The following CT45A10 variants were observed in gnomAD, a reference collection of about 807,000 sequenced individuals.
The protein encoded by CT45A10 is cancer/testis antigen family 45 member A10.
CT45A10 carries 19 observed loss-of-function variants against 8.3 expected under a neutral mutation model. The ratio of observed to expected loss-of-function variants is 2.30; its 90% confidence interval spans 1.61 to 3.38. CT45A10 has a LOEUF of 3.38. CT45A10 is among the 30% of genes most tolerant of loss of function. The probability of loss-of-function intolerance (pLI) is 0.00; values close to 1 mark genes in which losing one functional copy is unlikely to be tolerated. For synonymous variants in CT45A10, 28 were observed against 26.5 expected (o/e 1.06, Z -0.17); for missense variants, 149 against 85.9 (o/e 1.73, Z -2.90).
intron 1 of CT45A10, among the ~76,000 whole-genome samples, chrX:135,890,254 C>G (rs1250929490): frequency 3.6e-5 from 4 of 112,499 alleles, no homozygotes; most frequent in Admixed American, 1.9e-4. Flanking sequence ...AACGGACAGT[C>G]GAGGCAGCCC....
intron 1 of CT45A10, among the ~76,000 whole-genome samples, chrX:135,891,935 A>G (rs1051959720): frequency 1.8e-5 from 2 of 111,352 alleles, no homozygotes; most frequent in Admixed American, 1.9e-4. Context: ...AAACATCTCA[A>G]TAAAATTTGG....
intron 2 of CT45A10, 99 bp from the exon 3 acceptor site, chrX:135,883,355 C>A: frequency 8.5e-7 from 1 of 1,181,484 alleles, no homozygotes; most frequent in Non-Finnish European, 1.1e-6. Context: ...GGAAATCAAA[C>A]TGAGAAGTTG....
chrX:135,891,298 G>C (rs1697374201), intron 1 of CT45A10, among the ~76,000 whole-genome samples: 1 of 109,013 alleles, frequency 9.2e-6, no homozygotes, highest in African/African-American at 3.3e-5. Context: ...ACTCTTAAGA[G>C]AGTGGAAAAG....
rs1438137411 is a variant in CT45A10 at position 135,883,011 on chromosome X, G to C, written c.415C>G (p.Arg139Gly). The C allele has an allele frequency of 1.3e-5, 15 of 1,197,838 alleles. No individual in the cohort carries two copies. The highest frequency in any genetic ancestry group is 5.9e-5 in the East Asian group (2 of 33,614). Residue 139 changes from arginine to glycine, a missense_variant, in exon 3 of 5, where the codon CGA (arginine) becomes GGA (glycine). By Grantham distance (125) the Arg-to-Gly change is moderately radical (BLOSUM62 -2). Coordinates refer to ENST00000682849, the MANE Select transcript of CT45A10 (RefSeq NM_001291529.2). ...QVVKEIRCLGRKYEKIFEMLE... is the reference protein window; with the variant it reads ...QVVKEIRCLGGKYEKIFEMLE... Reference sequence around the variant, plus strand: ...CAGACGTTCTTACACTACTTACTTCGTCCAAGGCATCGGATTTCCTTCACT... The same window carrying C: ...CAGACGTTCTTACACTACTTACTTCCTCCAAGGCATCGGATTTCCTTCACT...
Position 135,882,973 on chromosome X carries a change from C to T in CT45A10, c.418+35G>A, listed in dbSNP as rs1476096362. 75 of 1,185,902 alleles carry T rather than the reference C, an allele frequency of 6.3e-5. 1 individual carries two copies. In the African/African-American group the frequency reaches 1.1e-3, roughly 17 times the overall value. On this transcript the variant is annotated intron_variant, in intron 3 of 4. Transcript: ENST00000682849. ...GAATCATAGAAAGAGTGACTTCCTA[C>T]AGTTTTATAAAACAGACGTTCTTAC...
intron 1 of CT45A10, among the ~76,000 whole-genome samples, chrX:135,889,849 A>C (rs2088483443): frequency 9.0e-6 from 1 of 111,369 alleles, no homozygotes; most frequent in African/African-American, 3.3e-5. Context: ...AAAAAAAGTA[A>C]AATAAATAGC....
intron 3 of CT45A10, among the ~76,000 whole-genome samples, 166 bp from the exon 4 acceptor site, chrX:135,882,795 A>C (rs2088395209): frequency 9.9e-6 from 1 of 101,092 alleles, no homozygotes; most frequent in South Asian, 4.8e-4. Flanking sequence ...CTGCACATAC[A>C]TACGAATGTA....
intron 2 of CT45A10, among the ~76,000 whole-genome samples, chrX:135,883,565 G>A (rs1473986301): frequency 1.9e-4 from 21 of 108,518 alleles, no homozygotes; most frequent in African/African-American, 5.7e-4. Context: ...ACCAAGTAAG[G>A]CAGTACAACT....
chrX:135,890,103 G>A (rs1295186521), intron 1 of CT45A10, among the ~76,000 whole-genome samples: 2 of 112,461 alleles, frequency 1.8e-5, no homozygotes, highest in Non-Finnish European at 3.8e-5. Context: ...AAAAGGCCAA[G>A]AATTTCTTTT....
Position 135,890,133 on chromosome X carries a change from T to C in CT45A10, c.-7+3212A>G, listed in dbSNP as rs140301140. ...TCTTTTTCGGGGAACTCAGCTCTTA[T>C]GATGCAAGTTGGCTGATGCTCCCAG... On this transcript the variant is annotated intron_variant, in intron 1 of 4. Coordinates refer to ENST00000682849, the MANE Select transcript of CT45A10 (RefSeq NM_001291529.2). Among the ~76,000 whole-genome samples, 508 of 112,526 alleles carry C rather than the reference T, an allele frequency of 4.5e-3. 3 individuals are homozygous for C. Among genetic ancestry groups the C allele is most frequent in the African/African-American group, 0.014 (440 of 31,012 alleles).
At chrX:135,890,979 A>T (rs1556589879) in intron 1 of CT45A10, among the ~76,000 whole-genome samples, 1 of 111,893 alleles carries the variant, frequency 8.9e-6, no homozygotes, top group Non-Finnish European at 1.9e-5. Context: ...GGCCAGAAAC[A>T]ATCTGGAAAT....
intron 1 of CT45A10, among the ~76,000 whole-genome samples, chrX:135,891,947 A>G (rs2088504250): frequency 9.0e-6 from 1 of 111,115 alleles, no homozygotes; most frequent in Non-Finnish European, 1.9e-5. Flanking sequence ...AAAATTTGGC[A>G]GAAAAGACCT....
At chrX:135,892,775 T>G (rs1170507833) in intron 1 of CT45A10, among the ~76,000 whole-genome samples, 1 of 111,802 alleles carries the variant, frequency 8.9e-6, no homozygotes, top group Non-Finnish European at 1.9e-5. Context: ...ACATCCTAGC[T>G]GAGAGCGAGC....
Position 135,883,028 on chromosome X carries a change from T to A in CT45A10, c.398A>T (p.Glu133Val). The A allele has an allele frequency of 5.0e-6, 6 of 1,198,713 alleles. No homozygotes were observed. The highest frequency in any genetic ancestry group is 6.8e-6 in the Non-Finnish European group (6 of 885,648). Residue 133 changes from glutamate to valine, a missense_variant, in exon 3 of 5, where the codon GAA becomes GTA. Glu to Val is a moderately radical substitution (Grantham distance 121). Transcript: ENST00000682849. ...CTTACTTCGTCCAAGGCATCGGATTTCCTTCACTACTTGACATTTTATATC... is the reference window on the plus strand; with the variant it reads ...CTTACTTCGTCCAAGGCATCGGATTACCTTCACTACTTGACATTTTATATC... ...NADIKCQVVK[E>V]IRCLGRKYEK... is the part of the protein sequence containing the mutation.
intron 1 of CT45A10, among the ~76,000 whole-genome samples, chrX:135,893,050 C>T (rs2088523914): frequency 9.1e-6 from 1 of 110,059 alleles, no homozygotes; most frequent in Non-Finnish European, 1.9e-5. Context: ...CAACCCTGGG[C>T]TTAGGTCATT....
intron 1 of CT45A10, among the ~76,000 whole-genome samples, chrX:135,890,736 C>T (rs1416188956): frequency 1.8e-5 from 2 of 112,043 alleles, no homozygotes; most frequent in African/African-American, 3.2e-5. Flanking sequence ...ACATACCAAT[C>T]ATTTAAAATT....
Position 135,883,262 on chromosome X carries a change from GA to G in CT45A10, c.170-7del. The G allele has an allele frequency of 8.4e-7, 1 of 1,196,194 alleles. No individual in the cohort carries two copies. The highest frequency in any genetic ancestry group is 1.8e-5 in the South Asian group (1 of 55,888). ...AGCATGTCCTGTCATAAGCTCTGGTGAAACAAATTTTGAGTAAAAGCCATCA... is the reference window on the plus strand; with the variant it reads ...AGCATGTCCTGTCATAAGCTCTGGTGAACAAATTTTGAGTAAAAGCCATCA... On this transcript the variant is annotated splice_polypyrimidine_tract_variant and splice_region_variant and intron_variant, in intron 2 of 4. Coordinates refer to ENST00000682849, the MANE Select transcript of CT45A10 (RefSeq NM_001291529.2).
chrX:135,892,068 C>A (rs1168241654), intron 1 of CT45A10, among the ~76,000 whole-genome samples: 1 of 107,831 alleles, frequency 9.3e-6, no homozygotes, highest in Non-Finnish European at 1.9e-5. Flanking sequence ...CGCCTGTAAT[C>A]CCAGCACTTT....
chrX:135,882,991 G>C lies in CT45A10; in HGVS notation c.418+17C>G. On this transcript the variant is annotated intron_variant, in intron 3 of 4. Coordinates refer to ENST00000682849, the MANE Select transcript of CT45A10 (RefSeq NM_001291529.2). ...CTTCCTACAGTTTTATAAAACAGAC[G>C]TTCTTACACTACTTACTTCGTCCAA... 5.0e-6 allele frequency: 6 copies of C among 1,193,937 alleles called. No homozygotes were observed. Among genetic ancestry groups the C allele is most frequent in the Non-Finnish European group, 6.8e-6 (6 of 882,823 alleles).
Sources: gnomAD v4.1 joint callset for allele counts (sites outside exome capture counted in the v4.1 genomes callset) on GRCh38, gnomAD v4.1.1 for gene constraint, MANE v1.5 for transcripts, NCBI Gene and HGNC (gene_info 2026-07-23, HGNC 2026-07-21) for gene names.